Variants in NRG1 observed in about 807,000 individuals in gnomAD.
The protein encoded by NRG1 is pro-neuregulin-1, membrane-bound isoform.
In NRG1, 18 loss-of-function variants were observed where a neutral mutation model predicts 63.8. The ratio of observed to expected loss-of-function variants is 0.28; its 90% CI spans 0.19 to 0.42. The LOEUF (loss-of-function observed/expected upper bound fraction) is 0.42. Among genes scored for constraint, NRG1 ranks in the 10% least tolerant of loss-of-function variants. NRG1 has a pLI of 1.00. For synonymous variants in NRG1, 302 were observed against 301.3 expected (o/e 1.00, Z -0.02); for missense variants, 762 against 814.7 (o/e 0.94, Z 0.79).
intron 1 of NRG1, among the ~76,000 whole-genome samples, chr8:32,248,093 CTA>C (rs1848759795): frequency 6.6e-6 from 1 of 152,076 alleles, no homozygotes; most frequent in East Asian, 1.9e-4. Context: ...TAACAACTAG[CTA>C]TATGACTTCA....
intron 1 of NRG1, among the ~76,000 whole-genome samples, chr8:31,778,439 CT>C (rs1819366433): frequency 6.6e-6 from 1 of 152,142 alleles, no homozygotes; most frequent in South Asian, 2.1e-4. Flanking sequence ...CTGCATTTAT[CT>C]TCCTTCCCCC....
chr8:32,238,812 G>A (rs1847828228), intron 1 of NRG1, among the ~76,000 whole-genome samples: 1 of 152,020 alleles, frequency 6.6e-6, no homozygotes, highest in Non-Finnish European at 1.5e-5. Context: ...ATTAAATTTG[G>A]TAGAACTCAT....
intron 1 of NRG1, among the ~76,000 whole-genome samples, chr8:32,399,818 T>G (rs939528979): frequency 6.6e-6 from 1 of 152,222 alleles, no homozygotes; most frequent in Non-Finnish European, 1.5e-5. Flanking sequence ...TATAAGCCAG[T>G]GTTCTTTTTT....
At chr8:32,000,255 G>A (rs1194792097) in intron 1 of NRG1, among the ~76,000 whole-genome samples, 5 of 151,958 alleles carry the variant, frequency 3.3e-5, no homozygotes, top group African/African-American at 1.2e-4. Context: ...TAACTGAACT[G>A]TGGGTTTTTG....
chr8:31,770,623 G>T (rs1435923132), intron 1 of NRG1, among the ~76,000 whole-genome samples: 1 of 151,626 alleles, frequency 6.6e-6, no homozygotes, highest in Non-Finnish European at 1.5e-5. Context: ...GTTGTGGGGT[G>T]GGGGTAGGGG....
intron 1 of NRG1, among the ~76,000 whole-genome samples, chr8:31,961,222 C>T (rs891648259): frequency 6.6e-6 from 1 of 152,204 alleles, no homozygotes; most frequent in Non-Finnish European, 1.5e-5. Flanking sequence ...AAAGCATTCT[C>T]TGTTCTCTTG....
At chr8:31,795,987 A>T (rs1316677165) in intron 1 of NRG1, among the ~76,000 whole-genome samples, 4 of 152,212 alleles carry the variant, frequency 2.6e-5, no homozygotes, top group South Asian at 2.1e-4. Context: ...CACAGCATAA[A>T]CATGTTTATT....
intron 1 of NRG1, among the ~76,000 whole-genome samples, chr8:32,079,186 C>T (rs907724029): frequency 6.4e-5 from 9 of 140,332 alleles, no homozygotes; most frequent in South Asian, 4.6e-4. Flanking sequence ...CACACATACA[C>T]GCACATACAA....
intron 1 of NRG1, among the ~76,000 whole-genome samples, chr8:31,843,418 C>G (rs1386415410): frequency 6.6e-6 from 1 of 152,180 alleles, no homozygotes. Flanking sequence ...TTCAGCTAAT[C>G]TACTGAGAAA....
chr8:32,484,082 G>A (rs1351268863), intron 1 of NRG1, among the ~76,000 whole-genome samples: 1 of 148,396 alleles, frequency 6.7e-6, no homozygotes, highest in African/African-American at 2.5e-5. Context: ...CAGCCTGGGC[G>A]ACAGAGCAAG....
At chr8:32,384,759 T>C (rs1322962707) in intron 1 of NRG1, among the ~76,000 whole-genome samples, 1 of 152,212 alleles carries the variant, frequency 6.6e-6, no homozygotes, top group East Asian at 1.9e-4. Context: ...GTTATAAACC[T>C]AGGTTATTTT....
chr8:32,489,049 A>G (rs192069223), intron 1 of NRG1, among the ~76,000 whole-genome samples: 1 of 152,334 alleles, frequency 6.6e-6, no homozygotes, highest in Admixed American at 6.5e-5. Context: ...AAGAGGGCCA[A>G]GCAGACATCT....
intron 1 of NRG1, among the ~76,000 whole-genome samples, chr8:32,190,495 G>A (rs978150326): frequency 1.8e-4 from 27 of 152,168 alleles, no homozygotes; most frequent in Admixed American, 3.3e-4. Context: ...GCTGTGCAAA[G>A]TTGTGAGCAA....
intron 1 of NRG1, among the ~76,000 whole-genome samples, chr8:32,421,610 C>A (rs918003547): frequency 1.3e-5 from 2 of 152,178 alleles, no homozygotes; most frequent in Non-Finnish European, 2.9e-5. Context: ...GCTATTAGAG[C>A]CAAGTTATTG....
intron 1 of NRG1, among the ~76,000 whole-genome samples, chr8:31,800,229 A>T (rs1821626680): frequency 6.6e-6 from 1 of 152,212 alleles, no homozygotes; most frequent in African/African-American, 2.4e-5. Context: ...CTTTATTTTC[A>T]TAGGAAAATA....
Position 32,360,586 on chromosome 8 carries a change from T to C in NRG1, c.38-235242T>C, listed in dbSNP as rs1197301309. On this transcript the variant is annotated intron_variant, in intron 1 of 10. Coordinates refer to the NRG1 transcript ENST00000519301. Reference sequence around the variant, plus strand: ...ACATTTTATAATTGTGGAATTTCTTTTGTCGTTTTACAGAAATATTCAGTT... The same window carrying C: ...ACATTTTATAATTGTGGAATTTCTTCTGTCGTTTTACAGAAATATTCAGTT... 3.3e-5 allele frequency among the ~76,000 whole-genome samples: 5 copies of C among 152,210 alleles called. No homozygotes were observed. The East Asian group carries it at 9.6e-4, about 29-fold the overall frequency.
At chr8:32,443,529 C>A (rs1328902951) in intron 1 of NRG1, among the ~76,000 whole-genome samples, 2 of 152,124 alleles carry the variant, frequency 1.3e-5, no homozygotes, top group Admixed American at 6.6e-5. Flanking sequence ...GGACAAGTGG[C>A]AGCTAAGGCA....
rs10692906 is a variant in NRG1 at position 31,989,253 on chromosome 8, C to CAAAAAAAAAA, written c.37+349833_37+349842dup. On this transcript the variant is annotated intron_variant, in intron 1 of 10. Transcript: ENST00000519301. The stretch of plus-strand genomic sequence containing the variant: ...CCTGGGTGAGAGAGAGACTCTGTCT[C>CAAAAAAAAAA]AAAAAAAAAAAAAAAAAAAAGAACA... 1.4e-3 allele frequency among the ~76,000 whole-genome samples: 67 copies of CAAAAAAAAAA among 47,504 alleles called. 6 individuals carry two copies. Among genetic ancestry groups the CAAAAAAAAAA allele is most frequent in the East Asian group, 6.6e-3 (4 of 604 alleles). The allele number at this position is 47,504 out of a possible 152,430, so 31.2% of individuals were successfully genotyped here.
chr8:31,690,620 A>C (rs1464499907), intron 1 of NRG1, among the ~76,000 whole-genome samples: 1 of 148,934 alleles, frequency 6.7e-6, no homozygotes, highest in African/African-American at 2.5e-5. Flanking sequence ...GGTAGCAATG[A>C]ACGCGATGTA....
Sources: gnomAD v4.1 joint callset for allele counts (sites outside exome capture counted in the v4.1 genomes callset) on GRCh38, gnomAD v4.1.1 for gene constraint, MANE v1.5 for transcripts, NCBI Gene and HGNC (gene_info 2026-07-23, HGNC 2026-07-21) for gene names.